Variants in DAB1 observed in about 807,000 individuals in gnomAD.
DAB1 encodes DAB adaptor protein 1.
In DAB1, 15 loss-of-function variants were observed where a neutral mutation model predicts 64.6. The ratio of observed to expected loss-of-function variants is 0.23; its 90% confidence interval spans 0.16 to 0.36. DAB1 has a LOEUF of 0.36. Ranked by LOEUF, DAB1 falls within the 10% of genes least tolerant of loss-of-function variation. DAB1 has a pLI of 1.00. For missense variants in DAB1, 596 were observed against 706.7 expected (o/e 0.84, Z 1.78); for synonymous variants, 235 against 251.9 (o/e 0.93, Z 0.64).
intron 1 of DAB1, among the ~76,000 whole-genome samples, chr1:57,381,672 C>G (rs1481417603): frequency 6.6e-6 from 1 of 152,158 alleles, no homozygotes; most frequent in African/African-American, 2.4e-5. Flanking sequence ...CGCCATCTGC[C>G]TCAGCTAGTC....
intron 4 of DAB1, among the ~76,000 whole-genome samples, chr1:58,160,194 G>T (rs913483129): frequency 2.6e-5 from 4 of 152,128 alleles, no homozygotes; most frequent in African/African-American, 7.2e-5. Flanking sequence ...AGGCCAGGGG[G>T]TAAGGAGGGG....
intron 6 of DAB1, among the ~76,000 whole-genome samples, chr1:57,772,693 A>T (rs1413497901): frequency 6.6e-6 from 1 of 151,354 alleles, no homozygotes; most frequent in African/African-American, 2.4e-5. Context: ...CTATTTTTAG[A>T]TTTTTTTTTA....
chr1:58,386,349 G>A (rs954511532), intron 3 of DAB1, among the ~76,000 whole-genome samples: 24 of 152,174 alleles, frequency 1.6e-4, no homozygotes, highest in Non-Finnish European at 1.9e-4. Flanking sequence ...TGGTAAGTTG[G>A]AGAAAAGGTT....
At chr1:58,402,642 G>C (rs1644581527) in intron 3 of DAB1, among the ~76,000 whole-genome samples, 1 of 151,976 alleles carries the variant, frequency 6.6e-6, no homozygotes. Context: ...AGGAGGGAAA[G>C]GAGGAGGGGG....
At chr1:58,004,133 C>T (rs546663225) in intron 5 of DAB1, among the ~76,000 whole-genome samples, 15 of 152,324 alleles carry the variant, frequency 9.8e-5, no homozygotes, top group Non-Finnish European at 1.9e-4. Flanking sequence ...TAACACCTCA[C>T]ACTGCAGAGT....
intron 3 of DAB1, among the ~76,000 whole-genome samples, chr1:58,424,612 G>T (rs1644803575): frequency 6.6e-6 from 1 of 151,262 alleles, no homozygotes. Context: ...TTGTTTCTAT[G>T]GGACTTGTTT....
At chr1:57,401,056 G>A (rs1345075828) in intron 1 of DAB1, among the ~76,000 whole-genome samples, 2 of 150,200 alleles carry the variant, frequency 1.3e-5, no homozygotes, top group Admixed American at 6.6e-5. Flanking sequence ...GACATGATTA[G>A]TAGCACAGCA....
intron 3 of DAB1, among the ~76,000 whole-genome samples, chr1:58,503,423 C>T (rs148668547): frequency 1.2e-3 from 187 of 152,176 alleles, no homozygotes; most frequent in African/African-American, 4.3e-3. Flanking sequence ...AATTTCACTG[C>T]TATTTCTTTC....
At chr1:57,210,407 A>G (rs902488312) in intron 2 of DAB1, among the ~76,000 whole-genome samples, 1 of 152,206 alleles carries the variant, frequency 6.6e-6, no homozygotes, top group Non-Finnish European at 1.5e-5. Context: ...AATAATGCAT[A>G]AAACATTTCA....
intron 2 of DAB1, among the ~76,000 whole-genome samples, chr1:57,168,561 C>A (rs1661422798): frequency 6.6e-6 from 1 of 152,180 alleles, no homozygotes; most frequent in South Asian, 2.1e-4. Flanking sequence ...TCTGCCAGGT[C>A]ACCTCTGTAC....
At chr1:58,432,434 C>T (rs543324603) in intron 3 of DAB1, among the ~76,000 whole-genome samples, 28 of 152,162 alleles carry the variant, frequency 1.8e-4, no homozygotes, top group Non-Finnish European at 3.7e-4. Flanking sequence ...TGTCTCCTGA[C>T]ACATGGCTGA....
intron 5 of DAB1, among the ~76,000 whole-genome samples, chr1:58,085,958 C>CTCT (rs1289919186): frequency 4.1e-5 from 4 of 98,704 alleles, no homozygotes; most frequent in South Asian, 4.7e-4. Context: ...ATCTCTCTCT[C>CTCT]TTTTTTTTTT....
In DAB1 at chr1:57,467,508, G is replaced by C. The variant is rs1201965448; in HGVS notation, n.626-176342C>G. ...TCTCCAGGTCATTTGTAACATTAAA[G>C]TTTGATAAGCACTACCTTAGGAATA... On this transcript the variant is annotated intron_variant and non_coding_transcript_variant, in intron 7 of 20. Transcript: ENST00000485760. Among the ~76,000 whole-genome samples, 3 of 152,154 alleles carry C rather than the reference G, an allele frequency of 2.0e-5. No homozygotes were observed. The South Asian group carries it at 6.2e-4, about 32-fold the overall frequency.
At chr1:57,832,719 A>G (rs555013778) in intron 1 of DAB1, among the ~76,000 whole-genome samples, 2 of 152,320 alleles carry the variant, frequency 1.3e-5, no homozygotes, top group South Asian at 4.1e-4. Flanking sequence ...GAGAGAAAAG[A>G]CAGAGGGAGT....
intron 5 of DAB1, among the ~76,000 whole-genome samples, chr1:57,893,200 C>T (rs2101984970): frequency 6.6e-6 from 1 of 152,184 alleles, no homozygotes; most frequent in South Asian, 2.1e-4. Flanking sequence ...ATTTCAGGGG[C>T]AGATATGAAT....
chr1:58,395,822 T>A (rs377616364), intron 3 of DAB1, among the ~76,000 whole-genome samples: 1 of 152,134 alleles, frequency 6.6e-6, no homozygotes, highest in African/African-American at 2.4e-5. Flanking sequence ...GGATTCAGCA[T>A]TGAAAAAAGA....
chr1:57,800,620 G>T (rs958371299), intron 6 of DAB1, among the ~76,000 whole-genome samples: 1 of 152,196 alleles, frequency 6.6e-6, no homozygotes, highest in Non-Finnish European at 1.5e-5. Flanking sequence ...GAGTTAATTT[G>T]TCACCAGAAG....
chr1:57,423,225 G>A (rs950055318), intron 1 of DAB1, among the ~76,000 whole-genome samples: 6 of 151,694 alleles, frequency 4.0e-5, no homozygotes, highest in Non-Finnish European at 8.8e-5. Flanking sequence ...GAAGAGGGGC[G>A]GGCTGGGGAG....
intron 5 of DAB1, among the ~76,000 whole-genome samples, chr1:58,033,866 C>T (rs1372047321): frequency 1.3e-5 from 2 of 152,066 alleles, no homozygotes; most frequent in African/African-American, 4.8e-5. Flanking sequence ...TACACTAGGA[C>T]ACATAGCCAC....
Sources: allele counts gnomAD v4.1 joint callset (sites outside exome capture counted in the v4.1 genomes callset), GRCh38; gene constraint gnomAD v4.1.1; transcripts MANE v1.5; gene names NCBI Gene and HGNC (gene_info 2026-07-23, HGNC 2026-07-21).